The following TCAIM variants were observed in gnomAD, a reference collection of about 807,000 sequenced individuals.
TCAIM encodes T cell activation inhibitor, mitochondrial.
Under a neutral mutation model 58.6 loss-of-function variants are expected in TCAIM, and 36 were observed. That is an observed-to-expected ratio of 0.61 (90% confidence interval 0.47 to 0.81). The LOEUF (loss-of-function observed/expected upper bound fraction) is 0.81, where lower values mean the gene tolerates loss of function less well. TCAIM is among the 30% of genes least tolerant of loss of function. The pLI is 0.00. For synonymous variants in TCAIM, 172 were observed against 193.6 expected, an observed-to-expected ratio of 0.89 and a Z score of 0.93; for missense variants, 466 against 579.6, an observed-to-expected ratio of 0.80 and a Z score of 2.01.
At chr3:44,406,295 G>T (rs1296462624) in intron 10 of TCAIM, among the ~76,000 whole-genome samples, 2 of 152,228 alleles carry the variant, frequency 1.3e-5, no homozygotes, top group African/African-American at 2.4e-5. Context: ...AAGCATGGTT[G>T]TTAATATCTT....
At chr3:44,341,871 G>GA (rs549851266) in intron 1 of TCAIM, among the ~76,000 whole-genome samples, 39 of 152,246 alleles carry the variant, frequency 2.6e-4, no homozygotes, top group African/African-American at 9.1e-4. Context: ...TCAGATGTGG[G>GA]ATTCCACATC....
Position 44,396,489 on chromosome 3 carries a change from A to T in TCAIM, c.785A>T (p.Lys262Ile). ...CAGCAGAATTTGGAAACACTTAAAA[A>T]AGCAAAAGGTAAACATTTTCCATTT... ...LAQQNLETLKKAKGCTIIFTD... is the reference protein window; with the variant it reads ...LAQQNLETLKIAKGCTIIFTD... The change falls in exon 7 of 11, where the codon AAA becomes ATA. Residue 262 changes from lysine to isoleucine, a missense_variant. Coordinates refer to ENST00000342649, the MANE Select transcript of TCAIM (RefSeq NM_173826.4). 1 of 1,612,774 alleles carries T rather than the reference A, an allele frequency of 6.2e-7. No homozygotes were observed. Among genetic ancestry groups the T allele is most frequent in the Non-Finnish European group, 8.5e-7 (1 of 1,179,818 alleles).
chr3:44,400,382 G>T lies in TCAIM; in HGVS notation c.913G>T (p.Asp305Tyr). 1 of 1,613,274 alleles carries T rather than the reference G, an allele frequency of 6.2e-7. No individual in the cohort carries two copies. Among genetic ancestry groups the T allele is most frequent in the Non-Finnish European group, 8.5e-7 (1 of 1,179,774 alleles). Residue 305 changes from aspartate to tyrosine, a missense_variant, in exon 9 of 11, where the codon GAC (aspartate) becomes TAC (tyrosine). Transcript: ENST00000342649. ...TTTTGAAAGATTGCCAAGTTATTTT[G>T]ACCTTCAGAGGAGGCTGATGATTTT... ...KLFERLPSYF[D>Y]LQRRLMILED...
At chr3:44,375,824 C>G (rs796939083) in intron 5 of TCAIM, among the ~76,000 whole-genome samples, 3 of 152,262 alleles carry the variant, frequency 2.0e-5, no homozygotes, top group African/African-American at 7.2e-5. Flanking sequence ...CCCAAGAATT[C>G]CACTCCTAGG....
intron 4 of TCAIM, chr3:44,362,589 G>A (rs2125635346): frequency 2.5e-6 from 1 of 393,986 alleles, no homozygotes; most frequent in African/African-American, 2.1e-5. Context: ...TCCTTTTCTT[G>A]GCAGTTTCTC....
intron 6 of TCAIM, among the ~76,000 whole-genome samples, chr3:44,394,188 AGTATTTACATGTTCTGTTCTTG>A (rs1462098280): frequency 6.6e-6 from 1 of 152,222 alleles, no homozygotes; most frequent in Non-Finnish European, 1.5e-5. Context: ...GAGTACAGAT[AGTATTTACATGTTCTGTTCTTG>A]TATAATCAAA....
chr3:44,387,071 C>G (rs915806744), intron 5 of TCAIM, among the ~76,000 whole-genome samples: 2 of 152,212 alleles, frequency 1.3e-5, no homozygotes, highest in South Asian at 4.1e-4. Flanking sequence ...ACCCCAAACT[C>G]AGCCAGACTC....
chr3:44,373,115 G>GTTTTTT (rs920167722), intron 5 of TCAIM, among the ~76,000 whole-genome samples: 29 of 151,916 alleles, frequency 1.9e-4, no homozygotes, highest in African/African-American at 7.0e-4. Flanking sequence ...AATCAGTTGA[G>GTTTTTT]TTTTTTTATT....
intron 5 of TCAIM, among the ~76,000 whole-genome samples, chr3:44,374,949 A>G (rs1043850845): frequency 6.6e-6 from 1 of 152,112 alleles, no homozygotes; most frequent in African/African-American, 2.4e-5. Flanking sequence ...TCTTAAATCC[A>G]TGGAAAACTG....
intron 2 of TCAIM, 39 bp downstream of exon 2, chr3:44,354,850 G>T (rs772008785): frequency 8.8e-6 from 14 of 1,595,344 alleles, no homozygotes; most frequent in Non-Finnish European, 1.2e-5. Context: ...GTATTGTGGC[G>T]GGGGGAGGTC....
chr3:44,358,913 T>C, intron 3 of TCAIM: 1 of 985,416 alleles, frequency 1.0e-6, no homozygotes, highest in Non-Finnish European at 1.2e-6. Context: ...CTGATTATGA[T>C]ATGTGATATG....
intron 1 of TCAIM, among the ~76,000 whole-genome samples, chr3:44,345,698 C>T (rs921868056): frequency 2.6e-5 from 4 of 151,920 alleles, no homozygotes; most frequent in South Asian, 2.1e-4. Flanking sequence ...GGCATAAGAA[C>T]GGGAACAAGA....
chr3:44,344,062 C>A (rs1164176438), intron 1 of TCAIM, among the ~76,000 whole-genome samples: 5 of 145,508 alleles, frequency 3.4e-5, no homozygotes, highest in African/African-American at 1.3e-4. Context: ...CACTCCATCA[C>A]CCCGGTTGGA....
At chr3:44,357,557 A>C (rs1338755754) in intron 2 of TCAIM, among the ~76,000 whole-genome samples, 184 bp from the exon 3 acceptor site, 1 of 152,260 alleles carries the variant, frequency 6.6e-6, no homozygotes, top group East Asian at 1.9e-4. Flanking sequence ...AAAAATTTAT[A>C]ACCACTGTTT....
At chr3:44,371,022 G>C (rs1313752052) in intron 5 of TCAIM, among the ~76,000 whole-genome samples, 1 of 150,324 alleles carries the variant, frequency 6.7e-6, no homozygotes, top group East Asian at 2.0e-4. Flanking sequence ...GCATTCTCCT[G>C]CCTCAGCCTC....
intron 1 of TCAIM, among the ~76,000 whole-genome samples, chr3:44,345,397 C>G (rs900330233): frequency 6.6e-6 from 1 of 152,118 alleles, no homozygotes; most frequent in African/African-American, 2.4e-5. Flanking sequence ...AGAGAGTGCC[C>G]AAGGGGGTTC....
intron 5 of TCAIM, among the ~76,000 whole-genome samples, chr3:44,378,407 T>C (rs535118707): frequency 6.6e-6 from 1 of 151,778 alleles, no homozygotes; most frequent in East Asian, 1.9e-4. Flanking sequence ...AAAAAAAATT[T>C]TACAAGCAAA....
chr3:44,371,911 A>G (rs780667476), intron 5 of TCAIM, among the ~76,000 whole-genome samples: 24 of 152,204 alleles, frequency 1.6e-4, no homozygotes, highest in Non-Finnish European at 3.4e-4. Flanking sequence ...ATCCACTCTT[A>G]CACGGATTTT....
At position 44,407,617 on chromosome 3, in the gene TCAIM, T is replaced by C; in HGVS notation, c.1426T>C (p.Ser476Pro). Reference sequence around the variant, plus strand: ...GCACCTCTGCATTTCACATTTTTACTCTGTTATGCAAGATGGAGACCTTTG... The same window carrying C: ...GCACCTCTGCATTTCACATTTTTACCCTGTTATGCAAGATGGAGACCTTTG... ...GMHLCISHFY[S>P]VMQDGDLCIP... The change falls in exon 11 of 11, where the codon TCT becomes CCT. Residue 476 changes from serine to proline, a missense_variant. Ser to Pro is a moderately conservative substitution (Grantham distance 74, BLOSUM62 -1). Coordinates refer to ENST00000342649, the MANE Select transcript of TCAIM (RefSeq NM_173826.4). 6.2e-7 allele frequency: 1 copy of C among 1,613,896 alleles called. No homozygotes were observed. Among genetic ancestry groups the C allele is most frequent in the Non-Finnish European group, 8.5e-7 (1 of 1,179,906 alleles).
Sources: allele counts gnomAD v4.1 joint callset (sites outside exome capture counted in the v4.1 genomes callset), GRCh38; gene constraint gnomAD v4.1.1; transcripts MANE v1.5; gene names NCBI Gene and HGNC (gene_info 2026-07-23, HGNC 2026-07-21).